FXYD6: variants seen among roughly 807,000 people sequenced by gnomAD.
FXYD6 encodes FXYD domain containing ion transport regulator 6.
In FXYD6, 7 loss-of-function variants were observed where a neutral mutation model predicts 16.7. The observed-to-expected ratio is 0.42, with a 90% CI of 0.24 to 0.79. FXYD6 has a LOEUF of 0.79. FXYD6 is among the 30% of genes least tolerant of loss of function. FXYD6 has a pLI of 0.28. For missense variants in FXYD6, 111 were observed against 116.2 expected, an observed-to-expected ratio of 0.95 and a Z score of 0.21; for synonymous variants, 49 against 43.0, an observed-to-expected ratio of 1.14 and a Z score of -0.54.
At chr11:117,861,726 TC>T (rs1668752793) in intron 1 of FXYD6, among the ~76,000 whole-genome samples, 1 of 152,170 alleles carries the variant, frequency 6.6e-6, no homozygotes, top group South Asian at 2.1e-4. Context: ...CCCAGTTACT[TC>T]CTCCCCCTTC....
At chr11:117,862,991 A>G (rs1272302810) in intron 1 of FXYD6, among the ~76,000 whole-genome samples, 17 of 152,230 alleles carry the variant, frequency 1.1e-4, no homozygotes, top group Admixed American at 1.1e-3. Context: ...GTTATACACC[A>G]GTCATTTATA....
chr11:117,871,955 A>T (rs2057146280), intron 1 of FXYD6, among the ~76,000 whole-genome samples: 2 of 152,324 alleles, frequency 1.3e-5, no homozygotes, highest in South Asian at 2.1e-4. Flanking sequence ...CAGGCTTCGG[A>T]TGACCATCTG....
At chr11:117,854,697 G>T (rs1300917478) in intron 1 of FXYD6, among the ~76,000 whole-genome samples, 1 of 152,216 alleles carries the variant, frequency 6.6e-6, no homozygotes, top group Non-Finnish European at 1.5e-5. Flanking sequence ...GAGCTCAACA[G>T]GGAGCTAGGG....
chr11:117,841,951 T>A (rs780840505), intron 3 of FXYD6, 39 bp downstream of exon 3: 1 of 1,613,942 alleles, frequency 6.2e-7, no homozygotes, highest in Admixed American at 1.7e-5. Context: ...CAGGGCTGCA[T>A]TCCCCCTGAC....
chr11:117,838,041 TCACA>T lies in FXYD6; in HGVS notation c.*254_*257del, dbSNP rs57385031. The T allele has an allele frequency of 0.016, 9,077 of 570,724 alleles. No homozygotes were observed. Among genetic ancestry groups the T allele is most frequent in the East Asian group, 0.033 (1,055 of 32,296 alleles). 35.4% of individuals were successfully genotyped at this position (570,724 alleles called of 1,614,324 possible). A position where few individuals can be genotyped will look rare whatever the true frequency, so the allele number is the denominator to read the frequency against. On this transcript the variant is annotated 3_prime_UTR_variant, in exon 8 of 8. Transcript: ENST00000526014. ...GACCACAGTTAGCAAACACACACAGTCACACACACACACACACACACACACATCA... is the reference window on the plus strand; with the variant it reads ...GACCACAGTTAGCAAACACACACAGTCACACACACACACACACACACATCA...
At chr11:117,852,802 C>A (rs986088059) in intron 1 of FXYD6, among the ~76,000 whole-genome samples, 2 of 152,230 alleles carry the variant, frequency 1.3e-5, no homozygotes, top group Non-Finnish European at 2.9e-5. Context: ...CGCTTAACTG[C>A]TCTTTCATAT....
intron 1 of FXYD6, among the ~76,000 whole-genome samples, chr11:117,847,417 GGTTT>G (rs1387199640): frequency 2.0e-5 from 3 of 151,928 alleles, no homozygotes; most frequent in Non-Finnish European, 4.4e-5. Flanking sequence ...ACAACGTGCA[GGTTT>G]GTTACATATG....
At chr11:117,842,859 G>A in intron 1 of FXYD6, 78 bp from the exon 2 acceptor site, 2 of 1,469,514 alleles carry the variant, frequency 1.4e-6, no homozygotes, top group South Asian at 1.2e-5. Context: ...AGCCTGACCA[G>A]GGGCCAAGCC....
rs1299416336 is a variant in FXYD6 at position 117,840,372 on chromosome 11, C to A, written c.210-4G>T. ...GGCTTCCTCATCTCCTGGGGCCCTGCAGGAGAAAGAGACACACAGCCCCAT... is the reference window on the plus strand; with the variant it reads ...GGCTTCCTCATCTCCTGGGGCCCTGAAGGAGAAAGAGACACACAGCCCCAT... On this transcript the variant is annotated splice_region_variant and splice_polypyrimidine_tract_variant and intron_variant, in intron 5 of 7. Coordinates refer to ENST00000526014, the MANE Select transcript of FXYD6 (RefSeq NM_022003.4). The A allele has an allele frequency of 7.7e-5, 125 of 1,614,016 alleles. 1 individual carries two copies. In the Admixed American group the frequency reaches 2.1e-3, roughly 27 times the overall value.
At chr11:117,867,966 T>TCC (rs1301147105) in intron 1 of FXYD6, among the ~76,000 whole-genome samples, 1 of 152,144 alleles carries the variant, frequency 6.6e-6, no homozygotes, top group African/African-American at 2.4e-5. Context: ...TTTGAGAATC[T>TCC]CCCCCACTCA....
At chr11:117,846,237 G>A (rs2056463362) in intron 1 of FXYD6, among the ~76,000 whole-genome samples, 1 of 152,162 alleles carries the variant, frequency 6.6e-6, no homozygotes, top group Admixed American at 6.5e-5. Flanking sequence ...TCAGTGATAT[G>A]TTTTTCATGC....
intron 4 of FXYD6, chr11:117,841,575 C>T (rs1817050834): frequency 3.2e-6 from 2 of 619,798 alleles, no homozygotes; most frequent in South Asian, 3.8e-5. Context: ...CCTATCTATG[C>T]TCATTGTCAT....
chr11:117,864,017 T>C (rs924244024), intron 1 of FXYD6, among the ~76,000 whole-genome samples: 4 of 152,296 alleles, frequency 2.6e-5, no homozygotes, highest in African/African-American at 7.2e-5. Context: ...AAGATATTAA[T>C]ACTATCCAAA....
At chr11:117,868,494 C>G (rs1245801322) in intron 1 of FXYD6, among the ~76,000 whole-genome samples, 3 of 152,126 alleles carry the variant, frequency 2.0e-5, no homozygotes, top group Non-Finnish European at 4.4e-5. Flanking sequence ...ACCAGTGACC[C>G]TCAGAACTGT....
intron 1 of FXYD6, among the ~76,000 whole-genome samples, chr11:117,849,407 G>A (rs1202719453): frequency 5.3e-5 from 8 of 152,180 alleles, no homozygotes; most frequent in Admixed American, 5.2e-4. Flanking sequence ...CTTGCTTTAT[G>A]ACCTAGTACA....
intron 1 of FXYD6, among the ~76,000 whole-genome samples, chr11:117,849,761 G>A (rs756101896): frequency 4.7e-5 from 7 of 150,196 alleles, no homozygotes; most frequent in Admixed American, 2.6e-4. Context: ...TGAAGGCCTC[G>A]GTAGCTGAAG....
intron 1 of FXYD6, among the ~76,000 whole-genome samples, chr11:117,865,193 A>G (rs1251390445): frequency 6.6e-6 from 1 of 152,220 alleles, no homozygotes; most frequent in Non-Finnish European, 1.5e-5. Flanking sequence ...GATAGCTGCT[A>G]TAAAAAAAAG....
chr11:117,858,114 A>T (rs528510779), intron 1 of FXYD6: 12 of 152,106 alleles, frequency 7.9e-5, no homozygotes, highest in African/African-American at 2.9e-4. Flanking sequence ...CTTCCTTGGC[A>T]CCCCACCCCA....
At chr11:117,875,296 G>C (rs113151306) in intron 1 of FXYD6, among the ~76,000 whole-genome samples, 185 of 152,180 alleles carry the variant, frequency 1.2e-3, no homozygotes, top group African/African-American at 4.3e-3. Flanking sequence ...TGTGTTTGTG[G>C]TGTTGGTGAT....
Sources: allele counts gnomAD v4.1 joint callset (sites outside exome capture counted in the v4.1 genomes callset), GRCh38; gene constraint gnomAD v4.1.1; transcripts MANE v1.5; gene names NCBI Gene and HGNC (gene_info 2026-07-23, HGNC 2026-07-21).